The following B3GALT1 variants were observed in gnomAD, a reference collection of about 807,000 sequenced individuals.
The protein encoded by B3GALT1 is UDP-Gal:betaGlcNAc beta 1,3-galactosyltransferase, polypeptide 1.
A neutral mutation model predicts 23.2 loss-of-function variants in B3GALT1; 10 were observed. The ratio of observed to expected loss-of-function variants is 0.43; its 90% CI spans 0.27 to 0.73. B3GALT1 has a LOEUF of 0.73. B3GALT1 is among the 30% of genes least tolerant of loss of function. B3GALT1 has a pLI of 0.21. For synonymous variants in B3GALT1, 156 were observed against 141.5 expected (o/e 1.10, Z -0.73); for missense variants, 299 against 405.4 (o/e 0.74, Z 2.25).
At chr2:167,675,719 C>T (rs1686412472) in intron 3 of B3GALT1, among the ~76,000 whole-genome samples, 1 of 152,168 alleles carries the variant, frequency 6.6e-6, no homozygotes, top group Non-Finnish European at 1.5e-5. Flanking sequence ...AGCTCCACTA[C>T]TGAGAAATTC....
In B3GALT1 at chr2:167,413,341, G is replaced by A. The variant is rs1468128046; in HGVS notation, c.-510-76836G>A. 2.6e-5 allele frequency among the ~76,000 whole-genome samples: 4 copies of A among 151,996 alleles called. No homozygotes were observed. The East Asian group carries it at 5.8e-4, about 22-fold the overall frequency. ...GATTGTGTATTCTGCTTTGAGAGAC[G>A]AAATTTCATTTATGTCTCATGATTT... On this transcript the variant is annotated intron_variant, in intron 1 of 4. Transcript: ENST00000392690.
chr2:167,637,522 T>C (rs754248973), intron 2 of B3GALT1, among the ~76,000 whole-genome samples: 6 of 152,040 alleles, frequency 3.9e-5, no homozygotes, highest in Non-Finnish European at 7.4e-5. Context: ...TAAGTCCTCT[T>C]TTCTAGCTAT....
chr2:167,723,792 A>G (rs188575914), intron 3 of B3GALT1, among the ~76,000 whole-genome samples: 17 of 152,168 alleles, frequency 1.1e-4, no homozygotes, highest in Admixed American at 8.5e-4. Context: ...TTGCCTCCCA[A>G]ATTGCTGGGA....
chr2:167,862,418 C>G (rs1366003068), intron 4 of B3GALT1, among the ~76,000 whole-genome samples: 1 of 152,176 alleles, frequency 6.6e-6, no homozygotes, highest in East Asian at 1.9e-4. Context: ...AGCCCTTCCT[C>G]TAAGTTTTCG....
chr2:167,313,550 C>T (rs1310340958), intron 1 of B3GALT1, among the ~76,000 whole-genome samples: 1 of 152,146 alleles, frequency 6.6e-6, no homozygotes, highest in Non-Finnish European at 1.5e-5. Flanking sequence ...AGACCCTAGT[C>T]TAAGAGGTCA....
At chr2:167,508,786 G>A (rs796569055) in intron 2 of B3GALT1, among the ~76,000 whole-genome samples, 1 of 138,156 alleles carries the variant, frequency 7.2e-6, no homozygotes, top group Non-Finnish European at 1.5e-5. Flanking sequence ...AAAAAAAAAA[G>A]AAAGGAAAAG....
chr2:167,768,365 G>T lies in B3GALT1; in HGVS notation c.-351-50307G>T, dbSNP rs371874876. On this transcript the variant is annotated intron_variant, in intron 3 of 4. Coordinates refer to ENST00000392690, the MANE Select transcript of B3GALT1 (RefSeq NM_020981.4). ...TAGGACTAGATTTATTATGCATCTG[G>T]CTGGAATTCTTTCTTCCTTCCTTTC... Among the ~76,000 whole-genome samples, 4 of 152,220 alleles carry T rather than the reference G, an allele frequency of 2.6e-5. No individual in the cohort carries two copies. In the East Asian group the frequency reaches 7.7e-4, roughly 29 times the overall value.
At chr2:167,356,131 C>T (rs2617400) in intron 1 of B3GALT1, among the ~76,000 whole-genome samples, 121,085 of 152,108 alleles carry the variant, frequency 0.8, 49,880 homozygotes, top group East Asian at 0.92. Context: ...ACCCTAACTT[C>T]TCTCCCCTGC....
chr2:167,455,687 A>G (rs1232789374), intron 1 of B3GALT1, among the ~76,000 whole-genome samples: 1 of 151,856 alleles, frequency 6.6e-6, no homozygotes, highest in African/African-American at 2.4e-5. Flanking sequence ...TAATTTTTGT[A>G]TTTTTAATAG....
chr2:167,318,813 T>A (rs1696759712), intron 1 of B3GALT1, among the ~76,000 whole-genome samples: 1 of 152,010 alleles, frequency 6.6e-6, no homozygotes, highest in Non-Finnish European at 1.5e-5. Flanking sequence ...AGACTCCTGC[T>A]ATACAGAAGC....
intron 3 of B3GALT1, among the ~76,000 whole-genome samples, chr2:167,654,279 A>G (rs551124804): frequency 3.9e-5 from 6 of 152,288 alleles, no homozygotes; most frequent in African/African-American, 9.6e-5. Context: ...ACTATCTACT[A>G]TTAGTCTCTC....
intron 1 of B3GALT1, among the ~76,000 whole-genome samples, chr2:167,470,444 G>T (rs114353837): frequency 3.7e-4 from 57 of 152,184 alleles, no homozygotes; most frequent in African/African-American, 1.3e-3. Flanking sequence ...AAAACATATT[G>T]TAATCCAGTG....
At chr2:167,406,317 A>G (rs1187244525) in intron 1 of B3GALT1, among the ~76,000 whole-genome samples, 3 of 152,178 alleles carry the variant, frequency 2.0e-5, no homozygotes, top group African/African-American at 7.2e-5. Context: ...AGCAAGCTTC[A>G]TTCACTCCCC....
At chr2:167,774,112 G>T (rs895651578) in intron 3 of B3GALT1, among the ~76,000 whole-genome samples, 2 of 151,970 alleles carry the variant, frequency 1.3e-5, no homozygotes, top group African/African-American at 4.8e-5. Context: ...TTAATTTGTT[G>T]AGCCATTCTG....
At chr2:167,758,509 C>G (rs979162844) in intron 3 of B3GALT1, among the ~76,000 whole-genome samples, 1 of 152,164 alleles carries the variant, frequency 6.6e-6, no homozygotes, top group Non-Finnish European at 1.5e-5. Flanking sequence ...TGGATCCTCA[C>G]TAAGGACACA....
chr2:167,305,906 A>G (rs996855080), intron 1 of B3GALT1, among the ~76,000 whole-genome samples: 3 of 152,110 alleles, frequency 2.0e-5, no homozygotes, highest in East Asian at 3.8e-4. Flanking sequence ...CACCTACTAA[A>G]TAACAGTGTT....
chr2:167,427,976 T>C (rs1278096978), intron 1 of B3GALT1, among the ~76,000 whole-genome samples: 1 of 152,186 alleles, frequency 6.6e-6, no homozygotes, highest in Non-Finnish European at 1.5e-5. Flanking sequence ...TTCTCTGCCA[T>C]GCCCCATGCC....
chr2:167,372,012 G>A (rs2949010), intron 1 of B3GALT1, among the ~76,000 whole-genome samples: 124,120 of 151,476 alleles, frequency 0.82, 52,221 homozygotes, highest in East Asian at 0.92. Flanking sequence ...ATATTTATTC[G>A]AACTATACTA....
intron 2 of B3GALT1, among the ~76,000 whole-genome samples, chr2:167,618,623 A>C (rs888970855): frequency 6.6e-6 from 1 of 151,988 alleles, no homozygotes; most frequent in African/African-American, 2.4e-5. Flanking sequence ...AACAAAAAAA[A>C]TTTCTAGTCT....
Sources: allele counts gnomAD v4.1 joint callset (sites outside exome capture counted in the v4.1 genomes callset), GRCh38; gene constraint gnomAD v4.1.1; transcripts MANE v1.5; gene names NCBI Gene and HGNC (gene_info 2026-07-23, HGNC 2026-07-21).